ENAH: variants seen among roughly 807,000 people sequenced by gnomAD.
ENAH encodes the protein protein enabled homolog.
Under a neutral mutation model 78.7 loss-of-function variants are expected in ENAH, and 23 were observed. That is an observed-to-expected ratio of 0.29 (90% CI 0.21 to 0.41). The LOEUF (loss-of-function observed/expected upper bound fraction) is 0.41, where lower values mean the gene tolerates loss of function less well. Ranked by LOEUF, ENAH falls within the 10% of genes least tolerant of loss-of-function variation. The pLI is 1.00. For synonymous variants in ENAH, 226 were observed against 241.0 expected, an observed-to-expected ratio of 0.94 and a Z score of 0.58; for missense variants, 544 against 691.0, an observed-to-expected ratio of 0.79 and a Z score of 2.39.
Position 225,564,044 on chromosome 1 carries a change from G to A in ENAH, c.171+3205C>T, listed in dbSNP as rs558962485. Among the ~76,000 whole-genome samples, 13 of 152,084 alleles carry A rather than the reference G, an allele frequency of 8.5e-5. No homozygotes were observed. The South Asian group carries it at 2.1e-3, about 24-fold the overall frequency. ...TATTTTATTTCCTTCAGTAACTATA[G>A]TGGTATTCTTTTTTTCATTCCTAAA... On this transcript the variant is annotated intron_variant, in intron 2 of 13. Coordinates refer to ENST00000366843, the MANE Select transcript of ENAH (RefSeq NM_018212.6).
Position 225,498,440 on chromosome 1 carries a change from C to G in ENAH, c.1618-36G>C, listed in dbSNP as rs1166318361. On this transcript the variant is annotated intron_variant, in intron 12 of 13. Transcript: ENST00000366843. ...AGAGAAAAATACCAGAAATACAGAA[C>G]AAAATTACCACTAAAGAGATTCTTA... 34 of 1,271,680 alleles carry G rather than the reference C, an allele frequency of 2.7e-5. No individual in the cohort carries two copies. In the East Asian group the frequency reaches 7.9e-4, roughly 30 times the overall value. 78.8% of individuals were successfully genotyped at this position (1,271,680 alleles called of 1,614,324 possible). A position where few individuals can be genotyped will look rare whatever the true frequency, so the allele number is the denominator to read the frequency against.
chr1:225,571,785 G>A (rs2096763824), intron 1 of ENAH, among the ~76,000 whole-genome samples: 2 of 152,150 alleles, frequency 1.3e-5, no homozygotes, highest in Non-Finnish European at 2.9e-5. Flanking sequence ...GAATGACAGG[G>A]TCAGAGGGCT....
chr1:225,568,707 C>A (rs1192342214), intron 1 of ENAH, among the ~76,000 whole-genome samples: 1 of 152,182 alleles, frequency 6.6e-6, no homozygotes, highest in African/African-American at 2.4e-5. Flanking sequence ...CGTGCATCTG[C>A]CCCACCTCTT....
At chr1:225,528,479 G>A (rs1334923942) in intron 4 of ENAH, among the ~76,000 whole-genome samples, 1 of 152,134 alleles carries the variant, frequency 6.6e-6, no homozygotes, top group Non-Finnish European at 1.5e-5. Context: ...GTGAGGAGAG[G>A]CAGCCATAAG....
chr1:225,544,055 G>A (rs1025798502), intron 3 of ENAH, among the ~76,000 whole-genome samples: 1 of 152,202 alleles, frequency 6.6e-6, no homozygotes, highest in African/African-American at 2.4e-5. Context: ...GGCTGCTGCT[G>A]TGTGTTGTGA....
At chr1:225,558,720 G>A (rs934501145) in intron 2 of ENAH, among the ~76,000 whole-genome samples, 13 of 125,700 alleles carry the variant, frequency 1.0e-4, no homozygotes, top group African/African-American at 3.3e-4. Context: ...TGCAAACTCC[G>A]CCTCCCAGGT....
chr1:225,623,609 G>A (rs1186589782), intron 1 of ENAH, among the ~76,000 whole-genome samples: 8 of 147,518 alleles, frequency 5.4e-5, no homozygotes, highest in African/African-American at 1.0e-4. Context: ...TTTTTGAGAC[G>A]GAGTCTTGCT....
chr1:225,575,101 G>A lies in ENAH; in HGVS notation c.6-7687C>T, dbSNP rs181334657. ...TCTGAAATCACAACATCCTACAAAT[G>A]TAGGGTTCACTCCAGAATCCTCCGT... On this transcript the variant is annotated intron_variant, in intron 1 of 13. Coordinates refer to ENST00000366843, the MANE Select transcript of ENAH (RefSeq NM_018212.6). Among the ~76,000 whole-genome samples the A allele has an allele frequency of 5.8e-4, 88 of 152,118 alleles. 1 individual carries two copies. Among genetic ancestry groups the A allele is most frequent in the Non-Finnish European group, 2.9e-4 (20 of 67,990 alleles).
intron 1 of ENAH, among the ~76,000 whole-genome samples, chr1:225,567,878 C>G (rs2096742646): frequency 6.6e-6 from 1 of 152,084 alleles, no homozygotes; most frequent in African/African-American, 2.4e-5. Flanking sequence ...TGTGATAACA[C>G]CTTCTTTACT....
Position 225,613,135 on chromosome 1 carries a change from G to A in ENAH, c.5+39551C>T, listed in dbSNP as rs765089747. 3.0e-4 allele frequency among the ~76,000 whole-genome samples: 45 copies of A among 152,152 alleles called. No individual in the cohort carries two copies. The Middle Eastern group carries it at 0.01, about 35-fold the overall frequency. ...AAAGCAAGCTCATTTTCATTGCAAGGCCTTTGGACCTCTTCTGCTTAGAGT... is the reference window on the plus strand; with the variant it reads ...AAAGCAAGCTCATTTTCATTGCAAGACCTTTGGACCTCTTCTGCTTAGAGT... On this transcript the variant is annotated intron_variant, in intron 1 of 13. Coordinates refer to ENST00000366843, the MANE Select transcript of ENAH (RefSeq NM_018212.6).
intron 1 of ENAH, among the ~76,000 whole-genome samples, chr1:225,574,141 A>G (rs1448292171): frequency 1.3e-5 from 2 of 152,230 alleles, no homozygotes; most frequent in Admixed American, 1.3e-4. Flanking sequence ...TTATTCTCTG[A>G]TATCAATTTA....
At chr1:225,634,318 G>A (rs1488346190) in intron 1 of ENAH, among the ~76,000 whole-genome samples, 1 of 152,186 alleles carries the variant, frequency 6.6e-6, no homozygotes, top group Non-Finnish European at 1.5e-5. Context: ...TTTAAAATGT[G>A]TAACTTATAT....
intron 11 of ENAH, among the ~76,000 whole-genome samples, chr1:225,503,974 C>T (rs1034194971): frequency 6.6e-6 from 1 of 150,734 alleles, no homozygotes; most frequent in African/African-American, 2.4e-5. Flanking sequence ...CATAATTGAT[C>T]ACAAAATGAG....
chr1:225,605,265 G>A (rs1001668262), intron 1 of ENAH, among the ~76,000 whole-genome samples: 8 of 152,142 alleles, frequency 5.3e-5, no homozygotes, highest in African/African-American at 1.9e-4. Context: ...TTAAATAAGG[G>A]GGAAGGATAC....
intron 3 of ENAH, among the ~76,000 whole-genome samples, chr1:225,536,618 C>T (rs2096562963): frequency 6.6e-6 from 1 of 152,000 alleles, no homozygotes. Flanking sequence ...TTAAAACATA[C>T]AACTCATGCT....
At chr1:225,607,650 T>G (rs575955813) in intron 1 of ENAH, among the ~76,000 whole-genome samples, 1 of 152,086 alleles carries the variant, frequency 6.6e-6, no homozygotes, top group African/African-American at 2.4e-5. Flanking sequence ...GGAGAGACTG[T>G]AAACAAAGGC....
chr1:225,568,450 G>A (rs1478186949), intron 1 of ENAH, among the ~76,000 whole-genome samples: 1 of 152,112 alleles, frequency 6.6e-6, no homozygotes, highest in African/African-American at 2.4e-5. Flanking sequence ...TATTAGAATA[G>A]GCACATCAAC....
At chr1:225,570,683 C>T (rs569396812) in intron 1 of ENAH, among the ~76,000 whole-genome samples, 1 of 152,046 alleles carries the variant, frequency 6.6e-6, no homozygotes, top group Non-Finnish European at 1.5e-5. Context: ...ATGGGCCAGG[C>T]GTGGTGGCTC....
chr1:225,600,577 G>T (rs902228549), intron 1 of ENAH, among the ~76,000 whole-genome samples: 11 of 152,120 alleles, frequency 7.2e-5, no homozygotes, highest in African/African-American at 2.7e-4. Flanking sequence ...GTTAGAGAAG[G>T]CTGAGAATAG....
Sources: gnomAD v4.1 joint callset for allele counts (sites outside exome capture counted in the v4.1 genomes callset) on GRCh38, gnomAD v4.1.1 for gene constraint, MANE v1.5 for transcripts, NCBI Gene and HGNC (gene_info 2026-07-23, HGNC 2026-07-21) for gene names.